Variants in ARFGAP3 observed in about 807,000 individuals in gnomAD.
ARFGAP3 encodes ADP-ribosylation factor GTPase-activating protein 3.
Under a neutral mutation model 75.0 loss-of-function variants are expected in ARFGAP3, and 72 were observed. The observed-to-expected ratio is 0.96, with a 90% CI of 0.79 to 1.17. The LOEUF is 1.17. Ranked by LOEUF, ARFGAP3 falls within the 50% of genes most tolerant of loss-of-function variation. The pLI is 0.00. For synonymous variants in ARFGAP3, 221 were observed against 217.9 expected (o/e 1.01, Z -0.13); for missense variants, 620 against 626.6 (o/e 0.99, Z 0.11).
At chr22:42,801,996 T>C (rs1337061316) in intron 14 of ARFGAP3, among the ~76,000 whole-genome samples, 1 of 151,980 alleles carries the variant, frequency 6.6e-6, no homozygotes, top group Admixed American at 6.6e-5. Flanking sequence ...GAAATGAGGC[T>C]GGAAAGGCCA....
At chr22:42,815,412 CTTT>C (rs1291554913) in intron 11 of ARFGAP3, among the ~76,000 whole-genome samples, 8 of 136,506 alleles carry the variant, frequency 5.9e-5, no homozygotes, top group Non-Finnish European at 9.6e-5. Context: ...TAAACTACTA[CTTT>C]TTTTTTTTTT....
intron 5 of ARFGAP3, among the ~76,000 whole-genome samples, chr22:42,832,553 G>T (rs568292697): frequency 6.6e-6 from 1 of 150,870 alleles, no homozygotes; most frequent in Non-Finnish European, 1.5e-5. Flanking sequence ...AAAAACGAAA[G>T]AAAAAAAGAA....
chr22:42,810,786 T>C (rs149228143), intron 12 of ARFGAP3, 27 bp downstream of exon 12: 5 of 1,597,936 alleles, frequency 3.1e-6, no homozygotes, highest in East Asian at 2.2e-5. Flanking sequence ...GATTCACTAC[T>C]ACAACCCCAC....
intron 1 of ARFGAP3, among the ~76,000 whole-genome samples, chr22:42,856,433 C>T (rs1050603590): frequency 2.6e-5 from 4 of 152,280 alleles, no homozygotes; most frequent in Middle Eastern, 3.4e-3. Flanking sequence ...CCCCCTGCGT[C>T]ACCCCAACGC....
At chr22:42,843,891 G>T (rs1481713113) in intron 2 of ARFGAP3, among the ~76,000 whole-genome samples, 1 of 152,108 alleles carries the variant, frequency 6.6e-6, no homozygotes, top group Non-Finnish European at 1.5e-5. Context: ...GGAGCAGTCA[G>T]CAACCAATGC....
At position 42,823,675 on chromosome 22, in the gene ARFGAP3, G is replaced by T; in HGVS notation, c.653C>A (p.Pro218Gln). The change falls in exon 8 of 16, where the codon CCA becomes CAA. Residue 218 changes from proline (P) to glutamine (Q), a missense_variant. Pro to Gln is a moderately conservative substitution (Grantham distance 76). Coordinates refer to ENST00000263245, the MANE Select transcript of ARFGAP3 (RefSeq NM_014570.5). ...LEVSSIIKKK[P>Q]NQAKKGLGAK... ...ACTCACGCCTTTTTTAGCTTGATTT[G>T]GTTTCTTTTTTATGATAGAGGATAC... 1.3e-6 allele frequency: 2 copies of T among 1,568,942 alleles called. No individual in the cohort carries two copies. Among genetic ancestry groups the T allele is most frequent in the South Asian group, 1.2e-5 (1 of 84,570 alleles).
intron 5 of ARFGAP3, among the ~76,000 whole-genome samples, chr22:42,833,350 AATAAAT>A (rs766304185): frequency 5.3e-5 from 8 of 152,346 alleles, no homozygotes; most frequent in Middle Eastern, 3.4e-3. Flanking sequence ...CACTACTAGT[AATAAAT>A]TCTCAGTTCT....
chr22:42,800,331 A>C (rs1224947713), intron 14 of ARFGAP3, among the ~76,000 whole-genome samples: 2 of 152,136 alleles, frequency 1.3e-5, no homozygotes, highest in African/African-American at 4.8e-5. Flanking sequence ...GGAGTTCAAG[A>C]CCAGCCTGGC....
intron 15 of ARFGAP3, among the ~76,000 whole-genome samples, chr22:42,798,613 A>G (rs1924711394): frequency 6.6e-6 from 1 of 152,262 alleles, no homozygotes; most frequent in Admixed American, 6.5e-5. Context: ...CCCTCTATAC[A>G]ATATAATCCC....
At chr22:42,803,951 T>A (rs575260401) in intron 14 of ARFGAP3, among the ~76,000 whole-genome samples, 3 of 147,392 alleles carry the variant, frequency 2.0e-5, no homozygotes, top group African/African-American at 7.6e-5. Context: ...TCACCCAGGC[T>A]GGAGTGCAGT....
At chr22:42,847,686 C>T in intron 1 of ARFGAP3, 54 bp from the exon 2 acceptor site, 4 of 1,590,192 alleles carry the variant, frequency 2.5e-6, no homozygotes, top group South Asian at 1.1e-5. Flanking sequence ...AATAAATTAT[C>T]CTGTAAGATA....
intron 2 of ARFGAP3, among the ~76,000 whole-genome samples, chr22:42,841,865 CTT>C (rs5845565): frequency 1.6e-3 from 227 of 137,696 alleles, no homozygotes; most frequent in Non-Finnish European, 2.4e-3. Flanking sequence ...TTACTAATTT[CTT>C]TTTTTTTTTT....
intron 8 of ARFGAP3, among the ~76,000 whole-genome samples, chr22:42,823,414 T>C (rs1049340988): frequency 1.3e-5 from 2 of 152,042 alleles, no homozygotes; most frequent in African/African-American, 4.8e-5. Flanking sequence ...GGACCTTTGT[T>C]AATTTTTTTC....
At chr22:42,807,687 G>C (rs919271102) in intron 13 of ARFGAP3, among the ~76,000 whole-genome samples, 21 of 152,100 alleles carry the variant, frequency 1.4e-4, no homozygotes, top group African/African-American at 5.1e-4. Context: ...CATCCAAATA[G>C]TCAGAGGCAC....
intron 13 of ARFGAP3, 59 bp downstream of exon 13, chr22:42,808,708 C>T: frequency 1.4e-6 from 2 of 1,418,078 alleles, no homozygotes; most frequent in Non-Finnish European, 2.0e-6. Context: ...CGACAATGCC[C>T]ACACCCACAC....
chr22:42,833,187 G>A (rs1310950045), intron 5 of ARFGAP3, among the ~76,000 whole-genome samples: 1 of 152,170 alleles, frequency 6.6e-6, no homozygotes, highest in East Asian at 1.9e-4. Context: ...CTTACTTTGT[G>A]CCAGGTACTA....
intron 5 of ARFGAP3, 116 bp from the exon 6 acceptor site, chr22:42,831,752 A>C: frequency 6.6e-7 from 1 of 1,517,538 alleles, no homozygotes; most frequent in Non-Finnish European, 8.8e-7. Context: ...AGTCCCTGTT[A>C]ATGGAAAGGA....
chr22:42,803,203 C>T (rs1038501638), intron 14 of ARFGAP3, among the ~76,000 whole-genome samples: 2 of 152,130 alleles, frequency 1.3e-5, no homozygotes, highest in African/African-American at 4.8e-5. Context: ...GGGGGTCCCA[C>T]TATGTTGTCC....
At chr22:42,831,822 G>T in intron 5 of ARFGAP3, 186 bp from the exon 6 acceptor site, 1 of 854,306 alleles carries the variant, frequency 1.2e-6, no homozygotes. Flanking sequence ...TTGCTCTGTT[G>T]CCCAGGCTAG....
Sources: allele counts gnomAD v4.1 joint callset (sites outside exome capture counted in the v4.1 genomes callset), GRCh38; gene constraint gnomAD v4.1.1; transcripts MANE v1.5; gene names NCBI Gene and HGNC (gene_info 2026-07-23, HGNC 2026-07-21).